UBN1: variants seen among roughly 807,000 people sequenced by gnomAD.
The protein encoded by UBN1 is ubinuclein-1.
In UBN1, 17 loss-of-function variants were observed where a neutral mutation model predicts 108.5. That is an observed-to-expected ratio of 0.16 (90% CI 0.11 to 0.24). The LOEUF is 0.24. Ranked by LOEUF, UBN1 falls within the 10% of genes least tolerant of loss-of-function variation. The probability of loss-of-function intolerance (pLI) is 1.00; values close to 1 mark genes in which losing one functional copy is unlikely to be tolerated. For missense variants in UBN1, 1,595 were observed against 1,394.4 expected, an observed-to-expected ratio of 1.14 and a Z score of -2.29; for synonymous variants, 726 against 564.2, an observed-to-expected ratio of 1.29 and a Z score of -4.07.
Position 4,853,078 on chromosome 16 carries a change from C to G in UBN1, c.161C>G (p.Pro54Arg), listed in dbSNP as rs1472058521. The part of the protein sequence containing the change: ...AVRITLTLFE[P>R]DHKRCPEFFY... The stretch of plus-strand genomic sequence containing the variant: ...CGGATTACACTCACCCTCTTTGAAC[C>G]AGATCACAAACGCTGCCCAGAGTTC... Residue 54 changes from proline (P) to arginine (R), a missense_variant, in exon 2 of 18, where the codon CCA (proline) becomes CGA (arginine). Coordinates refer to ENST00000262376, the MANE Select transcript of UBN1 (RefSeq NM_001079514.3). The G allele has an allele frequency of 1.2e-6, 2 of 1,614,118 alleles. No individual in the cohort carries two copies. Among genetic ancestry groups the G allele is most frequent in the Admixed American group, 1.7e-5 (1 of 60,006 alleles).
intron 6 of UBN1, 83 bp from the exon 7 acceptor site, chr16:4,860,581 C>T (rs762331213): frequency 1.1e-5 from 15 of 1,388,656 alleles, no homozygotes; most frequent in African/African-American, 1.4e-5. Flanking sequence ...AGACCATGAC[C>T]CTGGGAGCAG....
At chr16:4,868,930 T>G in intron 8 of UBN1, 27 bp downstream of exon 8, 1 of 1,611,866 alleles carries the variant, frequency 6.2e-7, no homozygotes, top group Non-Finnish European at 8.5e-7. Flanking sequence ...TGTCTGTCTG[T>G]CTGTCTGTTT....
In UBN1 at chr16:4,861,073, C is replaced by A; in HGVS notation, c.1081C>A (p.Leu361Met). The change falls in exon 7 of 18, where the codon CTG becomes ATG. Residue 361 changes from leucine (L) to methionine (M), a missense_variant. Leu to Met is a conservative substitution (Grantham distance 15). Around this residue, in one of 3 missense-constraint regions of UBN1, gnomAD observed 1,398 missense variants for 1,194.7 expected, o/e 1.17. Coordinates refer to ENST00000262376, the MANE Select transcript of UBN1 (RefSeq NM_001079514.3). ...SSLPEGLPAP[L>M]EKRVKELAQA... ...TCTCCCCGAAGGCCTGCCAGCACCCCTGGAGAAGCGCGTTAAGGAGCTGGC... is the reference window on the plus strand; with the variant it reads ...TCTCCCCGAAGGCCTGCCAGCACCCATGGAGAAGCGCGTTAAGGAGCTGGC... 1 of 1,613,724 alleles carries A rather than the reference C, an allele frequency of 6.2e-7. No individual in the cohort carries two copies. Among genetic ancestry groups the A allele is most frequent in the South Asian group, 1.1e-5 (1 of 91,048 alleles).
At position 4,877,323 on chromosome 16, in the gene UBN1, TTTCCTG is replaced by T. The variant is rs2087930525; in HGVS notation, c.3266-54_3266-49del. 1 of 1,564,736 alleles carries T rather than the reference TTTCCTG, an allele frequency of 6.4e-7. No homozygotes were observed. Among genetic ancestry groups the T allele is most frequent in the African/African-American group, 1.4e-5 (1 of 73,688 alleles). ...GGGGGCTTTTGGCTGCTGGAGCTGC[TTTCCTG>T]TTCCTGTCTTCAATGTGTGTGTTTT... On this transcript the variant is annotated intron_variant, in intron 16 of 17. Coordinates refer to ENST00000262376, the MANE Select transcript of UBN1 (RefSeq NM_001079514.3). This position sits in a 1 kb window ranked among gnomAD's most constrained non-coding sequence, Gnocchi z 4.3.
chr16:4,870,669 C>A (rs752943025), intron 10 of UBN1, 35 bp downstream of exon 10: 1 of 1,611,748 alleles, frequency 6.2e-7, no homozygotes, highest in Non-Finnish European at 8.5e-7. Flanking sequence ...GTGCAACCCT[C>A]CCGTCTTGCC....
chr16:4,874,543 T>C lies in UBN1; in HGVS notation c.2133T>C (p.Cys711=). Residue 711 remains cysteine, a synonymous_variant, in exon 15 of 18, where the codon TGT becomes TGC. Transcript: ENST00000262376. ...CAGAAAAAGTTGGAGGCGTTTTATG[T>C]ACAGAAGAAAAAAGGAACTTTGCGA... ...APAEKVGGVL[C]TEEKRNFAKP... 1 of 1,614,202 alleles carries C rather than the reference T, an allele frequency of 6.2e-7. No individual in the cohort carries two copies. The highest frequency in any genetic ancestry group is 8.5e-7 in the Non-Finnish European group (1 of 1,180,034).
At position 4,877,880 on chromosome 16, in the gene UBN1, C is replaced by A; in HGVS notation, c.3355+406C>A. The A allele has an allele frequency of 1.0e-6, 1 of 962,228 alleles. No homozygotes were observed. Among genetic ancestry groups the A allele is most frequent in the African/African-American group, 1.8e-5 (1 of 57,002 alleles). The allele number at this position is 962,228 out of a possible 1,614,324, so 59.6% of individuals were successfully genotyped here. A position where few individuals can be genotyped will look rare whatever the true frequency, so the allele number is the denominator to read the frequency against. On this transcript the variant is annotated intron_variant, in intron 17 of 17. Transcript: ENST00000262376. The surrounding 1 kb of genome is among the most constrained non-coding windows in gnomAD (Gnocchi z 4.3). ...CAACAAGGTCTTGGAATGCAAGCTG[C>A]TCCACTGTCAGATGTGATTGCTTAA...
chr16:4,871,362 T>G, intron 12 of UBN1, 61 bp downstream of exon 12: 1 of 1,569,816 alleles, frequency 6.4e-7, no homozygotes, highest in Non-Finnish European at 8.6e-7. Flanking sequence ...ACGCTGCTTT[T>G]GTGCCAGGCC....
intron 1 of UBN1, 40 bp from the exon 2 acceptor site, chr16:4,852,839 C>A: frequency 6.7e-7 from 1 of 1,497,370 alleles, no homozygotes; most frequent in South Asian, 1.4e-5. Context: ...ACTATTTTAT[C>A]ATCTTCGTTT....
chr16:4,859,784 C>A, intron 5 of UBN1, 81 bp from the exon 6 acceptor site: 1 of 1,581,658 alleles, frequency 6.3e-7, no homozygotes. Flanking sequence ...GTGCCCCGGG[C>A]GGAGCAAGGC....
At chr16:4,849,399 C>CAT (rs1260615936) in intron 1 of UBN1, among the ~76,000 whole-genome samples, 2 of 151,946 alleles carry the variant, frequency 1.3e-5, no homozygotes, top group Non-Finnish European at 2.9e-5. Flanking sequence ...GAAGGGTACT[C>CAT]ATTATAAGTT....
intron 2 of UBN1, among the ~76,000 whole-genome samples, chr16:4,855,129 C>G (rs1226776096): frequency 1.3e-5 from 2 of 152,098 alleles, no homozygotes; most frequent in Admixed American, 1.3e-4. Flanking sequence ...TAGCATGTCT[C>G]TTAGTGAAAT....
In UBN1 at chr16:4,880,879, T is replaced by C. The variant is rs2088056620; in HGVS notation, c.*747T>C. The C allele has an allele frequency of 6.6e-6, 1 of 152,554 alleles. No individual in the cohort carries two copies. Among genetic ancestry groups the C allele is most frequent in the Admixed American group, 6.5e-5 (1 of 15,282 alleles). The allele number at this position is 152,554 out of a possible 1,614,324, so 9.5% of individuals were successfully genotyped here. A position where few individuals can be genotyped will look rare whatever the true frequency, so the allele number is the denominator to read the frequency against. ...ATATTATAGGAAGACATAATTCCAG[T>C]GCCTTTATGGTGGAGCAGAATTCGA... On this transcript the variant is annotated 3_prime_UTR_variant, in exon 18 of 18. Coordinates refer to ENST00000262376, the MANE Select transcript of UBN1 (RefSeq NM_001079514.3).
At chr16:4,854,762 G>A (rs998151605) in intron 2 of UBN1, among the ~76,000 whole-genome samples, 6 of 149,482 alleles carry the variant, frequency 4.0e-5, no homozygotes, top group African/African-American at 9.9e-5. Flanking sequence ...TCGCTCTGTC[G>A]CCCAGGCTGG....
intron 15 of UBN1, among the ~76,000 whole-genome samples, chr16:4,875,962 CTT>C (rs35899089): frequency 5.7e-5 from 8 of 141,150 alleles, no homozygotes; most frequent in Admixed American, 7.1e-5. Flanking sequence ...TTCTTTTTTT[CTT>C]TTTTTTTTTT....
At chr16:4,869,054 T>G (rs766281314) in intron 8 of UBN1, 151 bp downstream of exon 8, 6 of 771,820 alleles carry the variant, frequency 7.8e-6, no homozygotes, top group Non-Finnish European at 9.9e-6. Flanking sequence ...ATGGTTTCAT[T>G]GTTATTTTTC....
intron 1 of UBN1, among the ~76,000 whole-genome samples, chr16:4,848,762 C>A (rs904236156): frequency 6.6e-6 from 1 of 152,144 alleles, no homozygotes; most frequent in African/African-American, 2.4e-5. Context: ...TTTAAAAATT[C>A]TGAATTTGTG....
Position 4,847,496 on chromosome 16 carries a change from C to T in UBN1, c.-754C>T, listed in dbSNP as rs985519843. 13 of 561,340 alleles carry T rather than the reference C, an allele frequency of 2.3e-5. No individual in the cohort carries two copies. Among genetic ancestry groups the T allele is most frequent in the Admixed American group, 4.2e-5 (1 of 23,554 alleles). 34.8% of individuals were successfully genotyped at this position (561,340 alleles called of 1,614,324 possible). On this transcript the variant is annotated 5_prime_UTR_variant, in exon 1 of 18. Transcript: ENST00000262376. ...AGAGACTCCCGGCTCCTTCCCCCTCCCTTCGGCTCGTGACAACGAAGCGCC... is the reference window on the plus strand; with the variant it reads ...AGAGACTCCCGGCTCCTTCCCCCTCTCTTCGGCTCGTGACAACGAAGCGCC...
At position 4,874,363 on chromosome 16, in the gene UBN1, CCCT is replaced by C; in HGVS notation, c.1960_1962del (p.Pro654del). ...CCCAGGCATCGGGCGGCCTTGCTAA[CCCT>C]CCTCCTGTCAACCTGGAGGACTCAT... On this transcript the variant is annotated inframe_deletion, in exon 15 of 18. Coordinates refer to ENST00000262376, the MANE Select transcript of UBN1 (RefSeq NM_001079514.3). 1 of 1,614,124 alleles carries C rather than the reference CCCT, an allele frequency of 6.2e-7. No individual in the cohort carries two copies. The highest frequency in any genetic ancestry group is 1.3e-5 in the African/African-American group (1 of 75,036).
Sources: allele counts gnomAD v4.1 joint callset (sites outside exome capture counted in the v4.1 genomes callset), GRCh38; gene constraint gnomAD v4.1.1; regional missense constraint gnomAD v4.1.1; non-coding constraint Gnocchi (gnomAD v3.1); transcripts MANE v1.5; gene names NCBI Gene and HGNC (gene_info 2026-07-23, HGNC 2026-07-21).